Variants in AJAP1 observed in about 807,000 individuals in gnomAD.
The protein encoded by AJAP1 is adherens junctions associated protein 1, also known as adherens junction-associated protein 1.
A neutral mutation model predicts 35.0 loss-of-function variants in AJAP1; 5 were observed. The observed-to-expected ratio is 0.14, with a 90% CI of 0.07 to 0.30. AJAP1 has a LOEUF of 0.30. Ranked by LOEUF, AJAP1 falls within the 10% of genes least tolerant of loss-of-function variation. The pLI, the probability that AJAP1 is intolerant of heterozygous loss-of-function variation, is 1.00. For missense variants in AJAP1, 586 were observed against 571.0 expected (o/e 1.03, Z -0.27); for synonymous variants, 284 against 249.3 (o/e 1.14, Z -1.31).
chr1:4,689,829 C>T (rs564328611), intron 1 of AJAP1, among the ~76,000 whole-genome samples: 9 of 152,332 alleles, frequency 5.9e-5, no homozygotes, highest in African/African-American at 9.6e-5. Flanking sequence ...CCGCCAAGGC[C>T]GCCCCCTCTC....
intron 2 of AJAP1, among the ~76,000 whole-genome samples, chr1:4,739,987 C>T (rs1641020233): frequency 6.6e-6 from 1 of 152,180 alleles, no homozygotes; most frequent in Non-Finnish European, 1.5e-5. Flanking sequence ...CGACACCTCT[C>T]ATCTTGGAAG....
At position 4,734,171 on chromosome 1, in the gene AJAP1, G is replaced by A. The variant is rs574194553; in HGVS notation, c.829+21472G>A. Reference sequence around the variant, plus strand: ...GGCCCTGAACCCATGCACTTGTTCTGTGTGGAGGAAGAGAGGCACCCGCTC... The same window carrying A: ...GGCCCTGAACCCATGCACTTGTTCTATGTGGAGGAAGAGAGGCACCCGCTC... On this transcript the variant is annotated intron_variant, in intron 2 of 5. Transcript: ENST00000378191. This position sits in a 1 kb window ranked among gnomAD's most constrained non-coding sequence, Gnocchi z 4.3. 2.1e-3 allele frequency among the ~76,000 whole-genome samples: 315 copies of A among 152,328 alleles called. No individual in the cohort carries two copies. Among genetic ancestry groups the A allele is most frequent in the African/African-American group, 7.0e-3 (292 of 41,586 alleles).
intron 1 of AJAP1, among the ~76,000 whole-genome samples, chr1:4,704,648 TTA>T (rs1285305609): frequency 6.6e-6 from 1 of 152,172 alleles, no homozygotes; most frequent in Non-Finnish European, 1.5e-5. Context: ...GCAGCATGAT[TTA>T]TAGTCCTTTG....
rs976396700 is a variant in AJAP1 at position 4,665,475 on chromosome 1, C to G, written c.29+10021C>G. ...CCTTCTTCCTTCAGCATTTTTTGGG[C>G]TAATTTGATTCTCTGCACAGAAGCC... On this transcript the variant is annotated intron_variant, in intron 1 of 5. Coordinates refer to ENST00000378191, the MANE Select transcript of AJAP1 (RefSeq NM_018836.4). Among the ~76,000 whole-genome samples the G allele has an allele frequency of 2.6e-5, 4 of 152,140 alleles. 1 individual carries two copies.
intron 4 of AJAP1, among the ~76,000 whole-genome samples, chr1:4,773,575 C>T (rs962885027): frequency 1.1e-4 from 17 of 152,206 alleles, no homozygotes; most frequent in African/African-American, 3.9e-4. Context: ...AGGACAGTGG[C>T]GCTCAGAACC....
chr1:4,774,375 G>A, intron 4 of AJAP1, 52 bp from the exon 5 acceptor site: 1 of 1,553,374 alleles, frequency 6.4e-7, no homozygotes, highest in South Asian at 1.1e-5. Context: ...TGCCTATCAT[G>A]TGTCATGGTC....
rs1642225619 is a variant in AJAP1, at chr1:4,790,046, A to G, written c.*7561A>G. ...GGGAAAATTCGAAACCCACTGTGACACCCCAACCCTAATTTCCAACCTTTG... is the reference window on the plus strand; with the variant it reads ...GGGAAAATTCGAAACCCACTGTGACGCCCCAACCCTAATTTCCAACCTTTG... On this transcript the variant is annotated 3_prime_UTR_variant, in exon 6 of 6. Transcript: ENST00000378191. 6.6e-6 allele frequency: 1 copy of G among 152,122 alleles called. No individual in the cohort carries two copies. The highest frequency in any genetic ancestry group is 2.4e-5 in the African/African-American group (1 of 41,384). The allele number at this position is 152,122 out of a possible 1,614,324, so 9.4% of individuals were successfully genotyped here. A position where few individuals can be genotyped will look rare whatever the true frequency, so the allele number is the denominator to read the frequency against.
chr1:4,701,378 A>G (rs1288030663), intron 1 of AJAP1, among the ~76,000 whole-genome samples: 1 of 152,206 alleles, frequency 6.6e-6, no homozygotes, highest in African/African-American at 2.4e-5. Flanking sequence ...TGCAGTGCCA[A>G]GCACCAAAGC....
At chr1:4,710,352 G>A (rs1640202825) in intron 1 of AJAP1, among the ~76,000 whole-genome samples, 1 of 151,974 alleles carries the variant, frequency 6.6e-6, no homozygotes, top group Non-Finnish European at 1.5e-5. Flanking sequence ...CACACTCGTG[G>A]ACACACCCCC....
chr1:4,683,921 G>A (rs1349642910), intron 1 of AJAP1, among the ~76,000 whole-genome samples: 1 of 152,110 alleles, frequency 6.6e-6, no homozygotes, highest in Non-Finnish European at 1.5e-5. Context: ...ATGGTGAGGG[G>A]CTTCCTAGGG....
intron 1 of AJAP1, among the ~76,000 whole-genome samples, chr1:4,682,107 G>A (rs545575518): frequency 6.6e-6 from 1 of 152,338 alleles, no homozygotes; most frequent in Non-Finnish European, 1.5e-5. Context: ...GTGGTCCACT[G>A]ATGATGCTGA....
chr1:4,751,023 C>T (rs1313791344), intron 2 of AJAP1, among the ~76,000 whole-genome samples: 1 of 151,714 alleles, frequency 6.6e-6, no homozygotes, highest in African/African-American at 2.4e-5. Context: ...GGCAGGTCAC[C>T]ACTCGATAGT....
chr1:4,668,074 G>A (rs1639172636), intron 1 of AJAP1, among the ~76,000 whole-genome samples: 1 of 152,104 alleles, frequency 6.6e-6, no homozygotes, highest in African/African-American at 2.4e-5. Flanking sequence ...AATTAGCCAG[G>A]CGTGGTGGTA....
At chr1:4,748,986 G>A (rs1641259864) in intron 2 of AJAP1, among the ~76,000 whole-genome samples, 1 of 152,158 alleles carries the variant, frequency 6.6e-6, no homozygotes, top group African/African-American at 2.4e-5. Flanking sequence ...CCAATGTAAG[G>A]TGTGAGAACC....
In AJAP1 at chr1:4,787,980, G is replaced by T. The variant is rs974603245; in HGVS notation, c.*5495G>T. On this transcript the variant is annotated 3_prime_UTR_variant, in exon 6 of 6. Transcript: ENST00000378191. ...TTACTTTGGTGCAGTTTGTCAATTT[G>T]CTCTACCATACTGTTTTTTGATTAT... 1 of 325,412 alleles carries T rather than the reference G, an allele frequency of 3.1e-6. No homozygotes were observed. The highest frequency in any genetic ancestry group is 6.2e-6 in the Non-Finnish European group (1 of 162,494). The allele number at this position is 325,412 out of a possible 1,614,324, so 20.2% of individuals were successfully genotyped here.
chr1:4,708,439 A>G (rs1332743237), intron 1 of AJAP1, among the ~76,000 whole-genome samples: 19 of 152,132 alleles, frequency 1.2e-4, no homozygotes, highest in Admixed American at 1.2e-3. Flanking sequence ...TGCATGTCTG[A>G]CAGTGCCATG....
chr1:4,715,571 G>A (rs1640369200), intron 2 of AJAP1, among the ~76,000 whole-genome samples: 1 of 152,190 alleles, frequency 6.6e-6, no homozygotes, highest in Non-Finnish European at 1.5e-5. Context: ...TGTAATCCTA[G>A]CTACTACGGA....
chr1:4,713,794 G>C (rs969094016), intron 2 of AJAP1, among the ~76,000 whole-genome samples: 3 of 152,244 alleles, frequency 2.0e-5, no homozygotes, highest in African/African-American at 7.2e-5. Context: ...AGTACAAAGT[G>C]GGCGGGGGCG....
chr1:4,717,160 C>T (rs1486550007), intron 2 of AJAP1, among the ~76,000 whole-genome samples: 1 of 152,230 alleles, frequency 6.6e-6, no homozygotes, highest in Non-Finnish European at 1.5e-5. Flanking sequence ...ATTTTCTGAG[C>T]TTTTATCTTA....
Sources: gnomAD v4.1 joint callset for allele counts (sites outside exome capture counted in the v4.1 genomes callset) on GRCh38, gnomAD v4.1.1 for gene constraint, Gnocchi (gnomAD v3.1) non-coding constraint, MANE v1.5 for transcripts, NCBI Gene and HGNC (gene_info 2026-07-23, HGNC 2026-07-21) for gene names.